Variants in MBD2 observed in about 807,000 individuals in gnomAD.
The protein encoded by MBD2 is methyl-CpG-binding domain protein 2.
In MBD2, 9 loss-of-function variants were observed where a neutral mutation model predicts 39.3. That is an observed-to-expected ratio of 0.23 (90% CI 0.14 to 0.40). The LOEUF (loss-of-function observed/expected upper bound fraction) is 0.40. Among genes scored for constraint, MBD2 ranks in the 10% least tolerant of loss-of-function variants. The probability of loss-of-function intolerance (pLI) is 1.00; values close to 1 mark genes in which losing one functional copy is unlikely to be tolerated. For missense variants in MBD2, 458 were observed against 532.6 expected (o/e 0.86, Z 1.38); for synonymous variants, 233 against 211.1 (o/e 1.10, Z -0.90).
chr18:54,181,751 G>A (rs1035233471), intron 3 of MBD2, among the ~76,000 whole-genome samples: 6 of 151,984 alleles, frequency 3.9e-5, no homozygotes, highest in East Asian at 1.9e-4. Context: ...CACCCGCCTC[G>A]GCCTCCCAAA....
In MBD2 at chr18:54,224,658, C is replaced by G. The variant is rs2086648556; in HGVS notation, c.-99G>C. The G allele has an allele frequency of 1.1e-6, 1 of 912,272 alleles. No homozygotes were observed. The allele number at this position is 912,272 out of a possible 1,614,324, so 56.5% of individuals were successfully genotyped here. A position where few individuals can be genotyped will look rare whatever the true frequency, so the allele number is the denominator to read the frequency against. Reference sequence around the variant, plus strand: ...CGCAGCGCGGCGCGCGGGGGACGCGCGCAAGCATCATAGAGCGGGCGCGCA... The same window carrying G: ...CGCAGCGCGGCGCGCGGGGGACGCGGGCAAGCATCATAGAGCGGGCGCGCA... On this transcript the variant is annotated 5_prime_UTR_variant, in exon 1 of 7. Coordinates refer to ENST00000256429, the MANE Select transcript of MBD2 (RefSeq NM_003927.5).
chr18:54,224,023 G>A lies in MBD2; in HGVS notation c.537C>T (p.Tyr179=), dbSNP rs1170409237. ...GLSAGKSDVY[Y]FSPSGKKFRS... ...CCCCGCCCCCAGGGAGGTACCTGAAGTAGTAGACATCGCTCTTGCCAGCAC... is the reference window on the plus strand; with the variant it reads ...CCCCGCCCCCAGGGAGGTACCTGAAATAGTAGACATCGCTCTTGCCAGCAC... The change falls in exon 1 of 7, where the codon TAC becomes TAT. Residue 179 remains tyrosine (Y), a synonymous_variant. Transcript: ENST00000256429. 1.9e-6 allele frequency: 3 copies of A among 1,540,280 alleles called. No homozygotes were observed. The highest frequency in any genetic ancestry group is 2.7e-6 in the Non-Finnish European group (3 of 1,129,202).
intron 3 of MBD2, among the ~76,000 whole-genome samples, chr18:54,177,056 A>G (rs1314156884): frequency 1.3e-5 from 2 of 152,242 alleles, no homozygotes; most frequent in Admixed American, 6.5e-5. Flanking sequence ...GAAAAGGTAC[A>G]ATTATCCTAA....
intron 3 of MBD2, among the ~76,000 whole-genome samples, chr18:54,172,500 A>G (rs1037119889): frequency 3.3e-5 from 5 of 152,194 alleles, no homozygotes; most frequent in Non-Finnish European, 7.3e-5. Flanking sequence ...TTTTCTTAAG[A>G]ATACTGTTTC....
At chr18:54,208,937 G>C (rs2086475991) in intron 1 of MBD2, among the ~76,000 whole-genome samples, 1 of 152,168 alleles carries the variant, frequency 6.6e-6, no homozygotes, top group Admixed American at 6.5e-5. Context: ...TTATCATCTA[G>C]ATTAGCAGTT....
chr18:54,172,491 T>C (rs1484187036), intron 3 of MBD2, among the ~76,000 whole-genome samples: 1 of 152,210 alleles, frequency 6.6e-6, no homozygotes, highest in Non-Finnish European at 1.5e-5. Context: ...TTTTGAATTT[T>C]TTCTTAAGAA....
intron 3 of MBD2, among the ~76,000 whole-genome samples, chr18:54,179,638 A>T (rs942808961): frequency 1.3e-5 from 2 of 152,236 alleles, no homozygotes; most frequent in Non-Finnish European, 2.9e-5. Context: ...ACATTATTTG[A>T]TCACTTAACT....
At chr18:54,206,035 C>T (rs950743900) in intron 1 of MBD2, among the ~76,000 whole-genome samples, 3 of 152,114 alleles carry the variant, frequency 2.0e-5, no homozygotes, top group African/African-American at 7.2e-5. Flanking sequence ...GCTCATAACA[C>T]TCACAATAAA....
chr18:54,165,471 T>C (rs1165576462), intron 4 of MBD2, among the ~76,000 whole-genome samples: 1 of 152,184 alleles, frequency 6.6e-6, no homozygotes, highest in Non-Finnish European at 1.5e-5. Flanking sequence ...CCACAATATA[T>C]CAAGCTTTAG....
At chr18:54,215,133 T>C (rs994539346) in intron 1 of MBD2, among the ~76,000 whole-genome samples, 1 of 152,184 alleles carries the variant, frequency 6.6e-6, no homozygotes, top group Non-Finnish European at 1.5e-5. Context: ...TAAAGCAAGA[T>C]ACAAGCCCCG....
chr18:54,173,619 C>A (rs2086192721), intron 3 of MBD2, among the ~76,000 whole-genome samples: 1 of 152,210 alleles, frequency 6.6e-6, no homozygotes. Flanking sequence ...GCAATACAAT[C>A]TATGCAATAA....
chr18:54,203,011 TA>T, intron 2 of MBD2: 1 of 1,115,796 alleles, frequency 9.0e-7, no homozygotes, highest in South Asian at 1.2e-5. Flanking sequence ...GGGAAGGGGG[TA>T]AGCACATTCC....
At chr18:54,180,890 A>AT (rs1568083459) in intron 3 of MBD2, among the ~76,000 whole-genome samples, 11 of 114,572 alleles carry the variant, frequency 9.6e-5, no homozygotes, top group African/African-American at 2.6e-4. Flanking sequence ...GTATTCCTTA[A>AT]TTTTTTCTTT....
At chr18:54,207,565 G>A (rs2086460406) in intron 1 of MBD2, among the ~76,000 whole-genome samples, 1 of 152,170 alleles carries the variant, frequency 6.6e-6, no homozygotes, top group Non-Finnish European at 1.5e-5. Flanking sequence ...TTCATTTGCA[G>A]ACACAATGGG....
At chr18:54,169,693 A>G (rs147464025) in intron 3 of MBD2, among the ~76,000 whole-genome samples, 1 of 152,240 alleles carries the variant, frequency 6.6e-6, no homozygotes, top group East Asian at 1.9e-4. Flanking sequence ...ATCCTAAACT[A>G]CTCACTGAAA....
In MBD2 at chr18:54,224,584, G is replaced by T; in HGVS notation, c.-25C>A. ...TCCAGCCCCCTCCCCAGCCGGCGCT[G>T]CGCTTCTTCCGTAACCGAGCCCTTG... On this transcript the variant is annotated 5_prime_UTR_variant, in exon 1 of 7. Transcript: ENST00000256429. The T allele has an allele frequency of 8.2e-7, 1 of 1,221,914 alleles. No individual in the cohort carries two copies. The highest frequency in any genetic ancestry group is 1.6e-5 in the African/African-American group (1 of 64,098). The allele number at this position is 1,221,914 out of a possible 1,614,324, so 75.7% of individuals were successfully genotyped here.
intron 1 of MBD2, among the ~76,000 whole-genome samples, chr18:54,205,884 C>T (rs1299155811): frequency 6.6e-6 from 1 of 151,754 alleles, no homozygotes; most frequent in African/African-American, 2.4e-5. Flanking sequence ...TATACAACTA[C>T]GCCAGCAATA....
At position 54,211,388 on chromosome 18, in the gene MBD2, T is replaced by TACACACACACACACACAC. The variant is rs113321648; in HGVS notation, c.543-6249_543-6232dup. On this transcript the variant is annotated intron_variant, in intron 1 of 6. Transcript: ENST00000256429. ...ATTAAAAGAATGTATATTATTGCTA[T>TACACACACACACACACAC]ACACACACACACACACACACACACA... 6.7e-5 allele frequency among the ~76,000 whole-genome samples: 10 copies of TACACACACACACACACAC among 148,218 alleles called. No homozygotes were observed. In the South Asian group the frequency reaches 1.1e-3, roughly 16 times the overall value.
intron 1 of MBD2, among the ~76,000 whole-genome samples, chr18:54,218,958 T>C (rs143317232): frequency 3.7e-3 from 530 of 142,732 alleles, no homozygotes; most frequent in Non-Finnish European, 6.7e-3. Context: ...TAAGACTCCG[T>C]CTCAAAAAAA....
Sources: allele counts gnomAD v4.1 joint callset (sites outside exome capture counted in the v4.1 genomes callset), GRCh38; gene constraint gnomAD v4.1.1; transcripts MANE v1.5; gene names NCBI Gene and HGNC (gene_info 2026-07-23, HGNC 2026-07-21).